The following PIK3CB variants were observed in gnomAD, a reference collection of about 807,000 sequenced individuals.
The protein encoded by PIK3CB is phosphatidylinositol 4,5-bisphosphate 3-kinase catalytic subunit beta isoform.
PIK3CB carries 39 observed loss-of-function variants against 136.8 expected under a neutral mutation model. That is an observed-to-expected ratio of 0.29 (90% CI 0.22 to 0.37). The LOEUF (loss-of-function observed/expected upper bound fraction) is 0.37. PIK3CB is among the 10% of genes least tolerant of loss of function. PIK3CB has a pLI of 1.00. For missense variants in PIK3CB, 868 were observed against 1,275.4 expected (o/e 0.68, Z 4.87); for synonymous variants, 428 against 436.6 (o/e 0.98, Z 0.25).
At chr3:138,820,164 A>C (rs941075134) in intron 1 of PIK3CB, among the ~76,000 whole-genome samples, 1 of 152,158 alleles carries the variant, frequency 6.6e-6, no homozygotes, top group Non-Finnish European at 1.5e-5. Context: ...GGCTAACATG[A>C]CTGGCCTTTG....
chr3:138,804,610 G>A (rs937029899), intron 1 of PIK3CB, among the ~76,000 whole-genome samples: 2 of 152,184 alleles, frequency 1.3e-5, no homozygotes, highest in African/African-American at 4.8e-5. Context: ...CAACTCTTAA[G>A]AACAAAATCG....
At chr3:138,744,127 C>T (rs1023871743) in intron 4 of PIK3CB, among the ~76,000 whole-genome samples, 1 of 152,018 alleles carries the variant, frequency 6.6e-6, no homozygotes, top group Non-Finnish European at 1.5e-5. Flanking sequence ...CGCAGTGGCT[C>T]ACGCCTGTAA....
Position 138,755,993 on chromosome 3 carries a change from T to C in PIK3CB, c.172-14A>G. On this transcript the variant is annotated splice_polypyrimidine_tract_variant and intron_variant, in intron 3 of 23. Coordinates refer to ENST00000674063, the MANE Select transcript of PIK3CB (RefSeq NM_006219.3). ...CTTCCATAACATCTATGAGAAAAAA[T>C]AAGACATTTTCTGGAATGGAAACAC... The C allele has an allele frequency of 6.9e-7, 1 of 1,458,040 alleles. No individual in the cohort carries two copies. Among genetic ancestry groups the C allele is most frequent in the East Asian group, 2.3e-5 (1 of 44,008 alleles). The allele number at this position is 1,458,040 out of a possible 1,614,324, so 90.3% of individuals were successfully genotyped here.
chr3:138,684,918 A>T, intron 16 of PIK3CB, 115 bp from the exon 17 acceptor site: 1 of 605,146 alleles, frequency 1.7e-6, no homozygotes, highest in East Asian at 3.1e-5. Context: ...CCATAAACAC[A>T]CATAACCAGC....
At chr3:138,788,894 G>A (rs1231542242) in intron 2 of PIK3CB, among the ~76,000 whole-genome samples, 2 of 148,938 alleles carry the variant, frequency 1.3e-5, no homozygotes, top group African/African-American at 2.5e-5. Context: ...AACCCGGGAG[G>A]CGGAGGTTGC....
chr3:138,707,371 T>C (rs1287936376), intron 10 of PIK3CB, 82 bp from the exon 11 acceptor site: 6 of 1,482,438 alleles, frequency 4.0e-6, no homozygotes, highest in South Asian at 1.4e-5. Context: ...TCTCCTCCCA[T>C]GAAAATCACC....
At chr3:138,715,793 G>C (rs923552510) in intron 8 of PIK3CB, among the ~76,000 whole-genome samples, 4 of 151,558 alleles carry the variant, frequency 2.6e-5, no homozygotes, top group Non-Finnish European at 5.9e-5. Flanking sequence ...ACTATGTTAT[G>C]CTGGCATAAA....
intron 2 of PIK3CB, among the ~76,000 whole-genome samples, chr3:138,776,674 C>G (rs557234256): frequency 1.3e-5 from 2 of 151,734 alleles, no homozygotes; most frequent in Admixed American, 6.6e-5. Context: ...CCAGCCTGGG[C>G]GACAGAGTGA....
At chr3:138,821,156 G>A (rs538085127) in intron 1 of PIK3CB, among the ~76,000 whole-genome samples, 63 of 151,838 alleles carry the variant, frequency 4.1e-4, no homozygotes, top group African/African-American at 1.1e-3. Context: ...GTGGTGGTGC[G>A]TGCCTGTAAT....
intron 11 of PIK3CB, 93 bp from the exon 12 acceptor site, chr3:138,704,586 A>G (rs2044324840): frequency 3.7e-6 from 3 of 811,122 alleles, no homozygotes; most frequent in Non-Finnish European, 6.4e-6. Flanking sequence ...ACTACATAAG[A>G]TCTGGCATTG....
chr3:138,816,133 T>C (rs972619798), intron 1 of PIK3CB, among the ~76,000 whole-genome samples: 5 of 150,954 alleles, frequency 3.3e-5, no homozygotes, highest in African/African-American at 9.8e-5. Context: ...GAAACCTCTA[T>C]CTCTACAAAA....
At chr3:138,702,222 C>A (rs1433616208) in intron 12 of PIK3CB, among the ~76,000 whole-genome samples, 2 of 150,894 alleles carry the variant, frequency 1.3e-5, no homozygotes, top group African/African-American at 4.9e-5. Context: ...CAGGTCCATG[C>A]CACCACGCCC....
intron 13 of PIK3CB, among the ~76,000 whole-genome samples, chr3:138,695,896 C>T (rs901171155): frequency 5.3e-5 from 8 of 150,486 alleles, no homozygotes; most frequent in Non-Finnish European, 7.4e-5. Flanking sequence ...GCTGGGATTA[C>T]AGGTGCCTGC....
At chr3:138,742,363 C>G (rs995148977) in intron 5 of PIK3CB, among the ~76,000 whole-genome samples, 195 bp downstream of exon 5, 5 of 152,118 alleles carry the variant, frequency 3.3e-5, no homozygotes, top group African/African-American at 7.2e-5. Flanking sequence ...TCCACTGTAT[C>G]AAAACAGATA....
intron 8 of PIK3CB, among the ~76,000 whole-genome samples, chr3:138,733,129 T>C (rs550881220): frequency 4.6e-5 from 7 of 151,414 alleles, no homozygotes; most frequent in African/African-American, 1.7e-4. Context: ...AAAAATAATG[T>C]CAATCTTTCC....
At chr3:138,756,622 A>G (rs1325810253) in intron 3 of PIK3CB, among the ~76,000 whole-genome samples, 4 of 152,180 alleles carry the variant, frequency 2.6e-5, no homozygotes, top group Non-Finnish European at 5.9e-5. Context: ...CACAAAAACA[A>G]AAAGGGATTG....
chr3:138,683,501 A>T (rs2043821888), intron 18 of PIK3CB, among the ~76,000 whole-genome samples, 177 bp downstream of exon 18: 1 of 152,102 alleles, frequency 6.6e-6, no homozygotes, highest in Admixed American at 6.6e-5. Flanking sequence ...TCATTTTATA[A>T]GAGGGGGAAA....
chr3:138,657,775 TTTTAA>T lies in PIK3CB; in HGVS notation c.2852_2856del (p.Ile951LysfsTer11). On this transcript the variant is annotated frameshift_variant, in exon 22 of 24. Coordinates refer to ENST00000674063, the MANE Select transcript of PIK3CB (RefSeq NM_006219.3). LOFTEE classifies it high-confidence loss of function. Reference sequence around the variant, plus strand: ...GTAAGAATAAAAGGCACTCGCTCCCTTTTAATGCCAAACTTAGATTTGAAATTTCC... The same window carrying T: ...GTAAGAATAAAAGGCACTCGCTCCCTTGCCAAACTTAGATTTGAAATTTCC... 1 of 1,612,334 alleles carries T rather than the reference TTTTAA, an allele frequency of 6.2e-7. No individual in the cohort carries two copies. The highest frequency in any genetic ancestry group is 8.5e-7 in the Non-Finnish European group (1 of 1,178,862).
chr3:138,735,276 T>C (rs2045079914), intron 6 of PIK3CB, among the ~76,000 whole-genome samples: 1 of 151,886 alleles, frequency 6.6e-6, no homozygotes. Context: ...TAAATCACAA[T>C]ACAAAAAATA....
Sources: allele counts gnomAD v4.1 joint callset (sites outside exome capture counted in the v4.1 genomes callset), GRCh38; gene constraint gnomAD v4.1.1; transcripts MANE v1.5; gene names NCBI Gene and HGNC (gene_info 2026-07-23, HGNC 2026-07-21).